Variants in CCDC62 observed in about 807,000 individuals in gnomAD.
CCDC62 encodes the protein coiled-coil domain-containing protein 62.
CCDC62 carries 72 observed loss-of-function variants against 80.8 expected under a neutral mutation model. That is an observed-to-expected ratio of 0.89 (90% CI 0.74 to 1.08). CCDC62 has a LOEUF of 1.08. Among genes scored for constraint, CCDC62 ranks in the 50% least tolerant of loss-of-function variants. The probability of loss-of-function intolerance (pLI) is 0.00; values close to 1 mark genes in which losing one functional copy is unlikely to be tolerated. For missense variants in CCDC62, 704 were observed against 809.4 expected, an observed-to-expected ratio of 0.87 and a Z score of 1.58; for synonymous variants, 286 against 296.5, an observed-to-expected ratio of 0.96 and a Z score of 0.36.
At chr12:122,778,443 G>A (rs1057088149) in intron 2 of CCDC62, among the ~76,000 whole-genome samples, 2 of 151,880 alleles carry the variant, frequency 1.3e-5, no homozygotes, top group African/African-American at 4.8e-5. Flanking sequence ...TTCCTTTAGT[G>A]CTGCCCTAAA....
At chr12:122,803,209 C>T (rs980908602) in intron 9 of CCDC62, among the ~76,000 whole-genome samples, 1 of 152,218 alleles carries the variant, frequency 6.6e-6, no homozygotes, top group Non-Finnish European at 1.5e-5. Context: ...TTTACATATC[C>T]GACCGTGCCT....
chr12:122,819,113 CTGATTCTAGAGATAT>C (rs2032298755), intron 11 of CCDC62, among the ~76,000 whole-genome samples: 2 of 152,128 alleles, frequency 1.3e-5, no homozygotes, highest in African/African-American at 4.8e-5. Context: ...GGTGCATTAA[CTGATTCTAGAGATAT>C]TGGGAAGACA....
Position 122,792,027 on chromosome 12 carries a change from C to G in CCDC62, c.678C>G (p.Leu226=). 2 of 1,612,472 alleles carry G rather than the reference C, an allele frequency of 1.2e-6. No individual in the cohort carries two copies. Among genetic ancestry groups the G allele is most frequent in the Non-Finnish European group, 1.7e-6 (2 of 1,178,630 alleles). ...KIEVNKLKED[L]NEKTTENNEQ... is the part of the protein sequence containing the mutation. ...TTTTCTTCTGTTGTGAAGAGGACCTCAATGAAAAGACGACAGAAAATAATG... is the reference window on the plus strand; with the variant it reads ...TTTTCTTCTGTTGTGAAGAGGACCTGAATGAAAAGACGACAGAAAATAATG... Residue 226 remains leucine, a synonymous_variant, in exon 6 of 13, where the codon CTC becomes CTG. Transcript: ENST00000253079.
intron 6 of CCDC62, among the ~76,000 whole-genome samples, chr12:122,794,730 C>T (rs1472945683): frequency 8.5e-5 from 13 of 152,200 alleles, no homozygotes; most frequent in Admixed American, 7.2e-4. Context: ...AATCATAGCT[C>T]ACTGCAGCCT....
At chr12:122,816,921 T>C (rs1179404732) in intron 11 of CCDC62, among the ~76,000 whole-genome samples, 3 of 152,182 alleles carry the variant, frequency 2.0e-5, no homozygotes, top group African/African-American at 7.2e-5. Context: ...CACAATCTAC[T>C]TTCTGTCTCT....
intron 9 of CCDC62, among the ~76,000 whole-genome samples, chr12:122,803,792 A>G (rs2031437743): frequency 6.6e-6 from 1 of 152,188 alleles, no homozygotes; most frequent in Non-Finnish European, 1.5e-5. Flanking sequence ...TCAGGGCACA[A>G]TGCCTATTTT....
chr12:122,817,167 C>T (rs1049738681), intron 11 of CCDC62, among the ~76,000 whole-genome samples: 11 of 151,530 alleles, frequency 7.3e-5, no homozygotes, highest in African/African-American at 2.7e-4. Context: ...TTCTCCTGCC[C>T]CAGCCTCCCA....
intron 3 of CCDC62, 46 bp from the exon 4 acceptor site, chr12:122,785,673 G>A: frequency 7.8e-7 from 1 of 1,288,778 alleles, no homozygotes; most frequent in Non-Finnish European, 1.1e-6. Context: ...AGTAGTGAAA[G>A]CTTTAAAAGG....
chr12:122,808,446 G>A (rs73415555), intron 10 of CCDC62, among the ~76,000 whole-genome samples: 3,175 of 152,210 alleles, frequency 0.021, 101 homozygotes, highest in African/African-American at 0.072. Flanking sequence ...TGTATCATAA[G>A]TCTTTGTATA....
intron 8 of CCDC62, 88 bp from the exon 9 acceptor site, chr12:122,801,036 T>C: frequency 1.5e-6 from 2 of 1,371,398 alleles, no homozygotes. Flanking sequence ...CATTGGGATT[T>C]AGCTCTACTG....
In CCDC62 at chr12:122,792,096, C is replaced by T. The variant is rs2030649823; in HGVS notation, c.747C>T (p.Cys249=). ...EIIRLKQEKS[C]LHDELLFTVE... is the part of the protein sequence containing the mutation. The stretch of plus-strand genomic sequence containing the variant: ...TTCGCCTCAAGCAAGAGAAAAGTTG[C>T]CTGCACGATGAATTGCTTTTTACTG... Residue 249 remains cysteine (C), a synonymous_variant, in exon 6 of 13, where the codon TGC becomes TGT. Transcript: ENST00000253079. The T allele has an allele frequency of 5.6e-6, 9 of 1,612,368 alleles. No homozygotes were observed. Among genetic ancestry groups the T allele is most frequent in the African/African-American group, 1.3e-5 (1 of 74,962 alleles).
At chr12:122,791,197 A>G (rs1037781308) in intron 5 of CCDC62, among the ~76,000 whole-genome samples, 4 of 151,970 alleles carry the variant, frequency 2.6e-5, no homozygotes, top group East Asian at 1.9e-4. Context: ...CTGGAGTGCA[A>G]TGGCGCGATC....
intron 5 of CCDC62, among the ~76,000 whole-genome samples, chr12:122,789,599 A>G (rs371311884): frequency 3.9e-5 from 6 of 152,008 alleles, no homozygotes; most frequent in African/African-American, 1.5e-4. Context: ...TGCCTGGCTA[A>G]TTTTTGGATG....
At chr12:122,786,917 G>A (rs1242629341) in intron 4 of CCDC62, among the ~76,000 whole-genome samples, 1 of 151,990 alleles carries the variant, frequency 6.6e-6, no homozygotes, top group East Asian at 1.9e-4. Flanking sequence ...CCGAAATCGC[G>A]CCACTGCACT....
In CCDC62 at chr12:122,788,919, C is replaced by T. The variant is rs766723222; in HGVS notation, c.660C>T (p.Asn220=). The change falls in exon 5 of 13, where the codon AAC becomes AAT. Residue 220 remains asparagine (N), a synonymous_variant. Coordinates refer to ENST00000253079, the MANE Select transcript of CCDC62 (RefSeq NM_201435.5). ...QKLKALKIEV[N]KLKEDLNEKT... ...TGAAGGCACTTAAGATTGAAGTCAA[C>T]AAACTAAAAGGTAAGGAAGAGACCT... is the stretch of plus-strand genomic sequence containing the variant. 4 of 1,592,992 alleles carry T rather than the reference C, an allele frequency of 2.5e-6. No individual in the cohort carries two copies. Among genetic ancestry groups the T allele is most frequent in the Middle Eastern group, 1.7e-4 (1 of 5,970 alleles).
chr12:122,785,628 A>C (rs2030163407), intron 3 of CCDC62, 91 bp from the exon 4 acceptor site: 1 of 869,050 alleles, frequency 1.2e-6, no homozygotes, highest in Non-Finnish European at 1.9e-6. Flanking sequence ...GGAAAAAACA[A>C]AATAGAGAAG....
chr12:122,778,503 A>G (rs1459321210), intron 2 of CCDC62, among the ~76,000 whole-genome samples: 1 of 152,180 alleles, frequency 6.6e-6, no homozygotes, highest in Non-Finnish European at 1.5e-5. Context: ...ATTAGAGGAG[A>G]AAACACTAGA....
chr12:122,785,356 C>CTCAT (rs1566070443), intron 3 of CCDC62, among the ~76,000 whole-genome samples: 1 of 152,126 alleles, frequency 6.6e-6, no homozygotes, highest in Admixed American at 6.6e-5. Flanking sequence ...TAATACAGTT[C>CTCAT]TCATTCATTC....
chr12:122,805,343 CTTT>C (rs56167273), intron 9 of CCDC62, among the ~76,000 whole-genome samples: 3 of 105,130 alleles, frequency 2.9e-5, no homozygotes, highest in Admixed American at 1.1e-4. Context: ...TGTCTTAATT[CTTT>C]TTTTTTTTTT....
Sources: allele counts gnomAD v4.1 joint callset (sites outside exome capture counted in the v4.1 genomes callset), GRCh38; gene constraint gnomAD v4.1.1; transcripts MANE v1.5; gene names NCBI Gene and HGNC (gene_info 2026-07-23, HGNC 2026-07-21).